Variants in SLC24A2 observed in about 807,000 individuals in gnomAD.
The protein encoded by SLC24A2 is solute carrier family 24 member 2.
Under a neutral mutation model 62.0 loss-of-function variants are expected in SLC24A2, and 36 were observed. The ratio of observed to expected loss-of-function variants is 0.58; its 90% CI spans 0.44 to 0.77. The LOEUF is 0.77. SLC24A2 is among the 30% of genes least tolerant of loss of function. The pLI is 0.00. For synonymous variants in SLC24A2, 358 were observed against 294.0 expected (o/e 1.22, Z -2.23); for missense variants, 846 against 817.9 (o/e 1.03, Z -0.42).
chr9:20,018,513 C>T, the SLC24A2 span, among the ~76,000 whole-genome samples: 1 of 152,130 alleles, frequency 6.6e-6, no homozygotes, highest in African/African-American at 2.4e-5. Flanking sequence ...TCTCCTCCTC[C>T]ACCTCTTCAT....
At chr9:20,184,958 C>G in the SLC24A2 span, among the ~76,000 whole-genome samples, 3 of 152,098 alleles carry the variant, frequency 2.0e-5, no homozygotes, top group Non-Finnish European at 2.9e-5. Flanking sequence ...ATGGATATAT[C>G]TGGAGGACAT....
chr9:20,263,377 G>T, the SLC24A2 span, among the ~76,000 whole-genome samples: 5 of 152,004 alleles, frequency 3.3e-5, no homozygotes, highest in Non-Finnish European at 7.4e-5. Flanking sequence ...TCAGCCTCCT[G>T]AGTAACTGGG....
chr9:19,516,962 T>C (rs1832960432), intron 10 of SLC24A2, among the ~76,000 whole-genome samples: 1 of 152,196 alleles, frequency 6.6e-6, no homozygotes. Context: ...ATGTTGACAA[T>C]TGTTTGATGA....
chr9:19,731,513 CT>C, intron 2 of SLC24A2, among the ~76,000 whole-genome samples: 1 of 108,960 alleles, frequency 9.2e-6, no homozygotes, highest in African/African-American at 3.7e-5. Flanking sequence ...CTCTCTCTCT[CT>C]CCGTGTGTGT....
the SLC24A2 span, among the ~76,000 whole-genome samples, chr9:19,940,486 G>A: frequency 6.6e-6 from 1 of 152,132 alleles, no homozygotes; most frequent in African/African-American, 2.4e-5. Context: ...ACTTCCTCGT[G>A]TAGAATTTTA....
chr9:20,081,634 A>G, the SLC24A2 span, among the ~76,000 whole-genome samples: 1 of 152,080 alleles, frequency 6.6e-6, no homozygotes, highest in Admixed American at 6.5e-5. Flanking sequence ...TATAATAATA[A>G]TAATAATAAA....
intron 8 of SLC24A2, among the ~76,000 whole-genome samples, chr9:19,547,558 T>C (rs1344462633): frequency 6.8e-6 from 1 of 147,610 alleles, no homozygotes; most frequent in Non-Finnish European, 1.5e-5. Flanking sequence ...ACCAAGAGGA[T>C]AAACACTTTG....
the SLC24A2 span, among the ~76,000 whole-genome samples, chr9:19,812,068 A>G: frequency 4.1e-4 from 63 of 152,228 alleles, no homozygotes; most frequent in Non-Finnish European, 8.1e-4. Flanking sequence ...ATTTTCTTTA[A>G]TTTCTTTCAA....
chr9:20,165,877 A>G, the SLC24A2 span, among the ~76,000 whole-genome samples: 13 of 152,086 alleles, frequency 8.5e-5, no homozygotes, highest in South Asian at 1.2e-3. Context: ...AACATTTGCA[A>G]TATGTATCAC....
At chr9:19,997,741 T>C in the SLC24A2 span, among the ~76,000 whole-genome samples, 6 of 152,342 alleles carry the variant, frequency 3.9e-5, no homozygotes, top group South Asian at 1.2e-3. Context: ...TTCAGCTCTG[T>C]TGAGATCTTA....
At chr9:19,921,872 G>C in the SLC24A2 span, among the ~76,000 whole-genome samples, 20 of 152,196 alleles carry the variant, frequency 1.3e-4, no homozygotes, top group Non-Finnish European at 2.8e-4. Context: ...AATTTAATGT[G>C]ATAGGAGCAA....
At chr9:19,884,013 A>G in the SLC24A2 span, among the ~76,000 whole-genome samples, 82 of 152,302 alleles carry the variant, frequency 5.4e-4, no homozygotes, top group African/African-American at 1.9e-3. Flanking sequence ...AAGTGATCTC[A>G]TCGAGTACAA....
At chr9:20,160,488 T>C in the SLC24A2 span, among the ~76,000 whole-genome samples, 1 of 151,384 alleles carries the variant, frequency 6.6e-6, no homozygotes, top group Admixed American at 6.6e-5. Context: ...AAATATACCT[T>C]CTTCTCAAGT....
chr9:20,260,305 G>C, the SLC24A2 span, among the ~76,000 whole-genome samples: 2 of 152,158 alleles, frequency 1.3e-5, no homozygotes, highest in African/African-American at 2.4e-5. Flanking sequence ...CTAGAACTTG[G>C]AGCCAATAAA....
the SLC24A2 span, among the ~76,000 whole-genome samples, chr9:20,073,329 G>A: frequency 6.6e-6 from 1 of 152,012 alleles, no homozygotes; most frequent in Admixed American, 6.6e-5. Context: ...CTGTTTAAAG[G>A]GCTCATCTGA....
At chr9:19,994,637 GC>G in the SLC24A2 span, among the ~76,000 whole-genome samples, 1 of 152,176 alleles carries the variant, frequency 6.6e-6, no homozygotes, top group South Asian at 2.1e-4. Flanking sequence ...ATGAGGGAAT[GC>G]CCAAGTTGGC....
upstream of SLC24A2, among the ~76,000 whole-genome samples, chr9:19,791,443 T>G (rs1257923458): frequency 2.0e-5 from 3 of 152,200 alleles, no homozygotes; most frequent in Non-Finnish European, 4.4e-5. Flanking sequence ...CAGGGCTCTC[T>G]TAGTAAGGGA....
the SLC24A2 span, among the ~76,000 whole-genome samples, chr9:19,809,834 T>C: frequency 6.6e-6 from 1 of 152,112 alleles, no homozygotes; most frequent in Non-Finnish European, 1.5e-5. Flanking sequence ...CTGCTGGTCT[T>C]TCCTCTTGGA....
the SLC24A2 span, among the ~76,000 whole-genome samples, chr9:20,023,396 A>G: frequency 2.0e-5 from 3 of 152,196 alleles, no homozygotes; most frequent in Non-Finnish European, 4.4e-5. Flanking sequence ...TAATAGAGAA[A>G]AGAGAGAGAA....
Sources: allele counts gnomAD v4.1 joint callset (sites outside exome capture counted in the v4.1 genomes callset), GRCh38; gene constraint gnomAD v4.1.1; transcripts MANE v1.5; gene names NCBI Gene and HGNC (gene_info 2026-07-23, HGNC 2026-07-21).